Variants in SEZ6L observed in about 807,000 individuals in gnomAD.
The protein encoded by SEZ6L is seizure related 6 homolog like.
Under a neutral mutation model 106.2 loss-of-function variants are expected in SEZ6L, and 37 were observed. The observed-to-expected ratio is 0.35, with a 90% CI of 0.27 to 0.46. The LOEUF (loss-of-function observed/expected upper bound fraction) is 0.46. Among genes scored for constraint, SEZ6L ranks in the 20% least tolerant of loss-of-function variants. SEZ6L has a pLI of 1.00. For synonymous variants in SEZ6L, 541 were observed against 570.4 expected (o/e 0.95, Z 0.73); for missense variants, 1,172 against 1,332.8 (o/e 0.88, Z 1.88).
chr22:26,221,164 C>T (rs1602070409), intron 1 of SEZ6L, among the ~76,000 whole-genome samples: 1 of 152,096 alleles, frequency 6.6e-6, no homozygotes, highest in East Asian at 1.9e-4. Flanking sequence ...CTTTTGCCTG[C>T]TTAGCTTACC....
rs141642477 is a variant in SEZ6L at position 26,293,043 on chromosome 22, C to A, written c.732C>A (p.Asp244Glu). The A allele has an allele frequency of 3.1e-6, 5 of 1,613,966 alleles. No homozygotes were observed. The highest frequency in any genetic ancestry group is 4.2e-6 in the Non-Finnish European group (5 of 1,180,016). The change falls in exon 2 of 17, where the codon GAC becomes GAA. Residue 244 changes from aspartate (D) to glutamate (E), a missense_variant. Asp to Glu is a conservative substitution (Grantham distance 45, BLOSUM62 2). Transcript: ENST00000248933. The stretch of plus-strand genomic sequence containing the variant: ...ACACCAGCCCCATGGCCCTGATGGA[C>A]AAAGGTGAGAATGAGCTGACTGGGT... ...QEDTSPMALM[D>E]KGENELTGSA...
At chr22:26,253,579 A>G (rs1165862319) in intron 1 of SEZ6L, among the ~76,000 whole-genome samples, 1 of 152,182 alleles carries the variant, frequency 6.6e-6, no homozygotes, top group Admixed American at 6.5e-5. Context: ...TGCCCAGAAA[A>G]TGCTTGTTGA....
At chr22:26,188,811 A>C (rs758413300) in intron 1 of SEZ6L, among the ~76,000 whole-genome samples, 1 of 152,200 alleles carries the variant, frequency 6.6e-6, no homozygotes, top group African/African-American at 2.4e-5. Context: ...GATTATGGTG[A>C]GAGAATTCAG....
At chr22:26,368,469 C>T (rs1351933704) in intron 13 of SEZ6L, among the ~76,000 whole-genome samples, 1 of 152,180 alleles carries the variant, frequency 6.6e-6, no homozygotes, top group Non-Finnish European at 1.5e-5. Context: ...ACCTCAAAGC[C>T]GTTATGCTGA....
Position 26,383,069 on chromosome 22 carries a change from C to CTTTTTTTTTTTT in SEZ6L, c.*2781_*2792dup, listed in dbSNP as rs35749592. 8.4e-6 allele frequency: 1 copy of CTTTTTTTTTTTT among 119,660 alleles called. No individual in the cohort carries two copies. Among genetic ancestry groups the CTTTTTTTTTTTT allele is most frequent in the African/African-American group, 3.1e-5 (1 of 31,964 alleles). The allele number at this position is 119,660 out of a possible 1,614,324, so 7.4% of individuals were successfully genotyped here. ...CTTTAGCTTGGAGCTCAGCTTTTTG[C>CTTTTTTTTTTTT]TTTTTTTTTTTTTTTTTTGTAGAAT... is the stretch of plus-strand genomic sequence containing the variant. On this transcript the variant is annotated 3_prime_UTR_variant, in exon 17 of 17. Coordinates refer to ENST00000248933, the MANE Select transcript of SEZ6L (RefSeq NM_021115.5).
intron 9 of SEZ6L, among the ~76,000 whole-genome samples, chr22:26,314,597 GA>G (rs71695224): frequency 3.3e-5 from 5 of 151,900 alleles, no homozygotes; most frequent in Non-Finnish European, 5.9e-5. Context: ...ATTGCTGAAT[GA>G]AAAAAAATGT....
chr22:26,233,073 C>T (rs1050075790), intron 1 of SEZ6L, among the ~76,000 whole-genome samples: 6 of 152,330 alleles, frequency 3.9e-5, no homozygotes, highest in South Asian at 2.1e-4. Flanking sequence ...ATTCAAAACC[C>T]GAAGACCATT....
intron 1 of SEZ6L, among the ~76,000 whole-genome samples, chr22:26,289,350 C>T (rs2081037136): frequency 1.3e-5 from 2 of 152,304 alleles, no homozygotes; most frequent in Admixed American, 1.3e-4. Context: ...GCATAAAAGC[C>T]ATTGTTTTGA....
At chr22:26,305,441 C>T (rs1344946306) in intron 5 of SEZ6L, among the ~76,000 whole-genome samples, 1 of 152,214 alleles carries the variant, frequency 6.6e-6, no homozygotes, top group Non-Finnish European at 1.5e-5. Context: ...GTGAGCATTT[C>T]CCATCACCCT....
chr22:26,271,965 T>G (rs796941374), intron 1 of SEZ6L, among the ~76,000 whole-genome samples: 4 of 152,334 alleles, frequency 2.6e-5, no homozygotes, highest in African/African-American at 9.6e-5. Flanking sequence ...AATTGTGGTG[T>G]TGTCCTAAAA....
intron 1 of SEZ6L, among the ~76,000 whole-genome samples, chr22:26,267,398 A>G (rs1051692355): frequency 3.9e-5 from 6 of 152,344 alleles, no homozygotes; most frequent in Non-Finnish European, 8.8e-5. Flanking sequence ...AAAGTAGGAC[A>G]TGAGGCTGGT....
chr22:26,354,394 C>A (rs984165160), intron 12 of SEZ6L, among the ~76,000 whole-genome samples: 1 of 152,130 alleles, frequency 6.6e-6, no homozygotes. Flanking sequence ...AAGGACCCCC[C>A]CCAACCGCCC....
At chr22:26,304,376 GAAAGAAAGAAAGA>G (rs2081557429) in intron 5 of SEZ6L, among the ~76,000 whole-genome samples, 1 of 65,890 alleles carries the variant, frequency 1.5e-5, no homozygotes, top group African/African-American at 6.4e-5. Context: ...AAAGAAGAAA[GAAAGAAAGAAAGA>G]AAGAAAGAAA....
At chr22:26,288,805 G>T (rs1371253731) in intron 1 of SEZ6L, among the ~76,000 whole-genome samples, 1 of 152,140 alleles carries the variant, frequency 6.6e-6, no homozygotes, top group African/African-American at 2.4e-5. Flanking sequence ...ACCTCCTTGT[G>T]TGCAGATGAC....
chr22:26,272,454 C>T (rs942882214), intron 1 of SEZ6L, among the ~76,000 whole-genome samples: 23 of 152,198 alleles, frequency 1.5e-4, no homozygotes, highest in Non-Finnish European at 2.5e-4. Flanking sequence ...TTTTTACCCA[C>T]GGTTATCACC....
Position 26,293,155 on chromosome 22 carries a change from C to G in SEZ6L, c.835+9C>G. 10 of 1,504,882 alleles carry G rather than the reference C, an allele frequency of 6.6e-6. No individual in the cohort carries two copies. The highest frequency in any genetic ancestry group is 7.9e-6 in the Non-Finnish European group (9 of 1,135,086). The allele number at this position is 1,504,882 out of a possible 1,614,324, so 93.2% of individuals were successfully genotyped here. Reference sequence around the variant, plus strand: ...CACCGAGCAGGCACCAGGTATGCAGCCCCCAACTCCTGAAGCCATCCTGAA... The same window carrying G: ...CACCGAGCAGGCACCAGGTATGCAGGCCCCAACTCCTGAAGCCATCCTGAA... On this transcript the variant is annotated intron_variant, in intron 2 of 16. Coordinates refer to ENST00000248933, the MANE Select transcript of SEZ6L (RefSeq NM_021115.5).
At chr22:26,233,658 A>G (rs1015212814) in intron 1 of SEZ6L, among the ~76,000 whole-genome samples, 3 of 152,186 alleles carry the variant, frequency 2.0e-5, no homozygotes, top group Non-Finnish European at 2.9e-5. Flanking sequence ...TTCTACATGT[A>G]TTTATTGAGC....
At chr22:26,219,877 C>G (rs1005026320) in intron 1 of SEZ6L, among the ~76,000 whole-genome samples, 1 of 152,094 alleles carries the variant, frequency 6.6e-6, no homozygotes, top group Middle Eastern at 3.2e-3. Context: ...GGTTGACAAG[C>G]GCAACAAACC....
intron 15 of SEZ6L, 52 bp downstream of exon 15, chr22:26,375,741 A>C: frequency 1.4e-6 from 2 of 1,399,960 alleles, no homozygotes; most frequent in Non-Finnish European, 2.0e-6. Context: ...ACCAGTACTC[A>C]GAGGGACTGG....
Sources: allele counts gnomAD v4.1 joint callset (sites outside exome capture counted in the v4.1 genomes callset), GRCh38; gene constraint gnomAD v4.1.1; transcripts MANE v1.5; gene names NCBI Gene and HGNC (gene_info 2026-07-23, HGNC 2026-07-21).